WWOX: variants seen among roughly 807,000 people sequenced by gnomAD.
WWOX encodes WW domain containing oxidoreductase, also known as WW domain-containing oxidoreductase.
A neutral mutation model predicts 46.2 loss-of-function variants in WWOX; 69 were observed. The observed-to-expected ratio is 1.49, with a 90% CI of 1.23 to 1.82. The LOEUF is 1.82. Ranked by LOEUF, WWOX falls within the 40% of genes most tolerant of loss-of-function variation. The probability of loss-of-function intolerance (pLI) is 0.00; values close to 1 mark genes in which losing one functional copy is unlikely to be tolerated. For missense variants in WWOX, 919 were observed against 542.6 expected (o/e 1.69, Z -6.89); for synonymous variants, 359 against 202.6 (o/e 1.77, Z -6.56).
At chr16:79,032,838 G>T (rs553694525) in intron 8 of WWOX, among the ~76,000 whole-genome samples, 1 of 151,336 alleles carries the variant, frequency 6.6e-6, no homozygotes, top group African/African-American at 2.4e-5. Flanking sequence ...CGTGATGGGG[G>T]TTTGTTGTAC....
intron 8 of WWOX, among the ~76,000 whole-genome samples, chr16:79,061,162 A>G (rs1316333182): frequency 3.3e-5 from 5 of 152,154 alleles, no homozygotes; most frequent in Non-Finnish European, 5.9e-5. Context: ...AGAAATGATA[A>G]CCAGATCTCA....
chr16:79,157,253 A>T (rs1219205298), intron 8 of WWOX, among the ~76,000 whole-genome samples: 4 of 152,194 alleles, frequency 2.6e-5, no homozygotes, highest in Non-Finnish European at 5.9e-5. Flanking sequence ...TCTGTCAGGA[A>T]GTGGTGGCCT....
At chr16:78,294,653 T>G (rs1378537013) in intron 5 of WWOX, among the ~76,000 whole-genome samples, 6 of 152,136 alleles carry the variant, frequency 3.9e-5, no homozygotes, top group Non-Finnish European at 8.8e-5. Flanking sequence ...AGCTATCTAT[T>G]GCAAATCTTA....
At chr16:78,835,154 A>G (rs2051944454) in intron 8 of WWOX, among the ~76,000 whole-genome samples, 1 of 152,160 alleles carries the variant, frequency 6.6e-6, no homozygotes, top group African/African-American at 2.4e-5. Context: ...TCTTGCTCCG[A>G]CAGCCTTGCT....
chr16:79,092,829 T>C (rs2048990888), intron 8 of WWOX, among the ~76,000 whole-genome samples: 1 of 152,178 alleles, frequency 6.6e-6, no homozygotes, highest in Admixed American at 6.5e-5. Context: ...CCCGAGGCTG[T>C]CTCACTCAGG....
At chr16:78,182,205 G>C (rs1567616446) in intron 5 of WWOX, among the ~76,000 whole-genome samples, 1 of 152,194 alleles carries the variant, frequency 6.6e-6, no homozygotes, top group African/African-American at 2.4e-5. Flanking sequence ...TCACAAGATT[G>C]TTGTGAAGAT....
At chr16:78,790,352 C>G (rs2050563058) in intron 8 of WWOX, among the ~76,000 whole-genome samples, 1 of 152,034 alleles carries the variant, frequency 6.6e-6, no homozygotes, top group Admixed American at 6.5e-5. Flanking sequence ...CCAGGCTGCT[C>G]TCAAACTCCT....
chr16:78,581,475 C>G (rs185090425), intron 8 of WWOX, among the ~76,000 whole-genome samples: 4 of 152,210 alleles, frequency 2.6e-5, no homozygotes, highest in African/African-American at 9.6e-5. Context: ...ATCTCATTGT[C>G]TTTATAGTTT....
chr16:78,314,526 G>GT (rs761012673), intron 5 of WWOX, among the ~76,000 whole-genome samples: 5,145 of 132,822 alleles, frequency 0.039, 348 homozygotes, highest in African/African-American at 0.13. Flanking sequence ...AATTTGTGGG[G>GT]TTTTTTTTTT....
chr16:78,446,180 T>A (rs1567578274), intron 8 of WWOX, among the ~76,000 whole-genome samples: 1 of 152,222 alleles, frequency 6.6e-6, no homozygotes, highest in Non-Finnish European at 1.5e-5. Context: ...CAGTTTAATG[T>A]ACAATGGTGA....
At chr16:78,285,231 G>A (rs1365157655) in intron 5 of WWOX, among the ~76,000 whole-genome samples, 1 of 151,910 alleles carries the variant, frequency 6.6e-6, no homozygotes, top group Non-Finnish European at 1.5e-5. Flanking sequence ...CCAGGAGTTC[G>A]AGACTACCCT....
chr16:78,486,248 A>G (rs2254558), intron 8 of WWOX, among the ~76,000 whole-genome samples: 21,771 of 152,176 alleles, frequency 0.14, 2,209 homozygotes, highest in African/African-American at 0.29. Flanking sequence ...ACTTGGAGTT[A>G]GAAAGAGATG....
chr16:78,701,547 T>C (rs948194513), intron 8 of WWOX, among the ~76,000 whole-genome samples: 1 of 152,034 alleles, frequency 6.6e-6, no homozygotes, highest in Admixed American at 6.6e-5. Context: ...CTCCCTACTT[T>C]TCTCTTTTTC....
At chr16:78,798,668 C>G (rs969957682) in intron 8 of WWOX, among the ~76,000 whole-genome samples, 6 of 147,504 alleles carry the variant, frequency 4.1e-5, no homozygotes, top group African/African-American at 1.3e-4. Context: ...TTTTTAATTT[C>G]TCACCATCTC....
intron 7 of WWOX, among the ~76,000 whole-genome samples, chr16:78,427,582 C>T (rs79838383): frequency 2.0e-5 from 3 of 151,840 alleles, no homozygotes; most frequent in Admixed American, 6.6e-5. Flanking sequence ...TCTGTGTAGA[C>T]AGAATCCAGC....
intron 5 of WWOX, among the ~76,000 whole-genome samples, chr16:78,373,115 C>G (rs1167399098): frequency 6.6e-6 from 1 of 152,102 alleles, no homozygotes; most frequent in Non-Finnish European, 1.5e-5. Context: ...GAACACATCT[C>G]TTTCTTGTAA....
chr16:79,134,130 T>C (rs963307672), intron 8 of WWOX, among the ~76,000 whole-genome samples: 32 of 152,196 alleles, frequency 2.1e-4, no homozygotes, highest in African/African-American at 5.8e-4. Context: ...TGAGGTCACA[T>C]TTTGCTATTC....
At chr16:79,108,738 C>CA (rs2049358637) in intron 8 of WWOX, among the ~76,000 whole-genome samples, 1 of 151,754 alleles carries the variant, frequency 6.6e-6, no homozygotes, top group Admixed American at 6.6e-5. Flanking sequence ...CCCACCTCTA[C>CA]AAAAAATAAA....
intron 8 of WWOX, among the ~76,000 whole-genome samples, chr16:79,146,584 G>A (rs2050186835): frequency 6.6e-6 from 1 of 152,130 alleles, no homozygotes; most frequent in Non-Finnish European, 1.5e-5. Flanking sequence ...ATAAAATAAG[G>A]ATAATAACAG....
Sources: allele counts gnomAD v4.1 joint callset (sites outside exome capture counted in the v4.1 genomes callset), GRCh38; gene constraint gnomAD v4.1.1; transcripts MANE v1.5; gene names NCBI Gene and HGNC (gene_info 2026-07-23, HGNC 2026-07-21).